CNTNAP2: variants seen among roughly 807,000 people sequenced by gnomAD.
The protein encoded by CNTNAP2 is contactin-associated protein-like 2.
CNTNAP2 carries 98 observed loss-of-function variants against 155.2 expected under a neutral mutation model. The ratio of observed to expected loss-of-function variants is 0.63; its 90% CI spans 0.54 to 0.75. The LOEUF (loss-of-function observed/expected upper bound fraction) is 0.75. Among genes scored for constraint, CNTNAP2 ranks in the 30% least tolerant of loss-of-function variants. The pLI is 0.00. For missense variants in CNTNAP2, 1,727 were observed against 1,688.1 expected (o/e 1.02, Z -0.40); for synonymous variants, 651 against 631.2 (o/e 1.03, Z -0.47).
intron 1 of CNTNAP2, among the ~76,000 whole-genome samples, chr7:146,133,548 T>A (rs946214439): frequency 7.9e-5 from 12 of 152,180 alleles, no homozygotes; most frequent in African/African-American, 2.9e-4. Flanking sequence ...TGGTTTTAGG[T>A]CTAATGTTTA....
chr7:148,121,603 T>G (rs1804596521), intron 16 of CNTNAP2, among the ~76,000 whole-genome samples: 1 of 152,202 alleles, frequency 6.6e-6, no homozygotes, highest in Non-Finnish European at 1.5e-5. Context: ...TAAGCGTGTC[T>G]CAGAGGAATT....
At chr7:146,187,105 G>A (rs534284096) in intron 1 of CNTNAP2, among the ~76,000 whole-genome samples, 1 of 152,228 alleles carries the variant, frequency 6.6e-6, no homozygotes, top group African/African-American at 2.4e-5. Context: ...GTCTAGTCAG[G>A]TCACTAGTAT....
At chr7:148,400,281 G>A (rs1216303620) in intron 22 of CNTNAP2, among the ~76,000 whole-genome samples, 5 of 152,236 alleles carry the variant, frequency 3.3e-5, no homozygotes, top group Admixed American at 6.5e-5. Flanking sequence ...GCCGCCACGC[G>A]CATTCTGGAA....
At chr7:147,732,518 G>A (rs62480751) in intron 13 of CNTNAP2, among the ~76,000 whole-genome samples, 11 of 150,028 alleles carry the variant, frequency 7.3e-5, no homozygotes, top group South Asian at 4.3e-4. Context: ...TGTCTTTATA[G>A]CAGCATGATT....
intron 3 of CNTNAP2, among the ~76,000 whole-genome samples, chr7:146,964,349 A>G (rs1318388147): frequency 6.6e-6 from 1 of 152,188 alleles, no homozygotes; most frequent in African/African-American, 2.4e-5. Flanking sequence ...GTAACTAAGT[A>G]TTCTTTGGGG....
intron 1 of CNTNAP2, among the ~76,000 whole-genome samples, chr7:146,168,404 G>T (rs1310404551): frequency 6.6e-6 from 1 of 151,888 alleles, no homozygotes; most frequent in African/African-American, 2.4e-5. Context: ...ATATCATATT[G>T]GAAGTGTATG....
intron 1 of CNTNAP2, among the ~76,000 whole-genome samples, chr7:146,581,563 A>T (rs1463433268): frequency 6.6e-6 from 1 of 152,066 alleles, no homozygotes; most frequent in Non-Finnish European, 1.5e-5. Flanking sequence ...AAAATATCAG[A>T]TGCATTAATC....
intron 2 of CNTNAP2, among the ~76,000 whole-genome samples, chr7:146,800,690 G>T (rs1203209678): frequency 6.6e-6 from 1 of 152,076 alleles, no homozygotes; most frequent in Non-Finnish European, 1.5e-5. Context: ...ACAGTACCTG[G>T]AATATCAGTT....
intron 12 of CNTNAP2, among the ~76,000 whole-genome samples, chr7:147,635,772 G>T (rs773257764): frequency 6.6e-6 from 1 of 152,110 alleles, no homozygotes; most frequent in African/African-American, 2.4e-5. Context: ...TTGCCTTTAT[G>T]ACCATTATAT....
chr7:147,255,446 T>C (rs968257051), intron 8 of CNTNAP2, among the ~76,000 whole-genome samples: 26 of 152,264 alleles, frequency 1.7e-4, no homozygotes, highest in Admixed American at 5.2e-4. Flanking sequence ...GGTCTCGAAC[T>C]CCTGACCTCG....
At chr7:146,584,113 T>C (rs1270161939) in intron 1 of CNTNAP2, among the ~76,000 whole-genome samples, 1 of 152,200 alleles carries the variant, frequency 6.6e-6, no homozygotes, top group Non-Finnish European at 1.5e-5. Context: ...TGAAAAGTAC[T>C]AACATAAGGA....
chr7:146,480,004 C>G (rs1415962396), intron 1 of CNTNAP2, among the ~76,000 whole-genome samples: 1 of 152,100 alleles, frequency 6.6e-6, no homozygotes, highest in Admixed American at 6.6e-5. Context: ...AGACTAGTCT[C>G]AAACTCCTGA....
chr7:146,560,928 G>A (rs1798270278), intron 1 of CNTNAP2, among the ~76,000 whole-genome samples: 1 of 152,058 alleles, frequency 6.6e-6, no homozygotes, highest in Admixed American at 6.6e-5. Flanking sequence ...AACAGTTCCT[G>A]ATGAAATTAA....
intron 21 of CNTNAP2, among the ~76,000 whole-genome samples, chr7:148,309,872 T>C (rs1240488155): frequency 6.6e-6 from 1 of 152,046 alleles, no homozygotes; most frequent in Non-Finnish European, 1.5e-5. Context: ...GAAATAGTGG[T>C]AAAGTGTTGG....
At chr7:146,533,964 A>C (rs1797809426) in intron 1 of CNTNAP2, among the ~76,000 whole-genome samples, 1 of 152,198 alleles carries the variant, frequency 6.6e-6, no homozygotes, top group South Asian at 2.1e-4. Flanking sequence ...AAAGCATTGA[A>C]TTAAAAATAG....
chr7:147,389,486 T>A (rs1345816274), intron 9 of CNTNAP2, among the ~76,000 whole-genome samples: 2 of 152,204 alleles, frequency 1.3e-5, no homozygotes, highest in Non-Finnish European at 2.9e-5. Context: ...AAAACAAATA[T>A]CAGCAAGTTT....
At chr7:146,192,226 A>C (rs535713755) in intron 1 of CNTNAP2, among the ~76,000 whole-genome samples, 1 of 152,286 alleles carries the variant, frequency 6.6e-6, no homozygotes, top group African/African-American at 2.4e-5. Context: ...CGTTTAAAAT[A>C]TAGATTTTTC....
chr7:146,239,421 T>A (rs1330830986), intron 1 of CNTNAP2, among the ~76,000 whole-genome samples: 2 of 152,176 alleles, frequency 1.3e-5, no homozygotes, highest in African/African-American at 4.8e-5. Context: ...AGGACCAGCC[T>A]AATAACCCTG....
chr7:147,626,222 G>A (rs907490842), intron 12 of CNTNAP2, among the ~76,000 whole-genome samples: 1 of 152,084 alleles, frequency 6.6e-6, no homozygotes, highest in African/African-American at 2.4e-5. Flanking sequence ...CGCAGCCAAT[G>A]GAGTGGGCAG....
Sources: gnomAD v4.1 joint callset for allele counts (sites outside exome capture counted in the v4.1 genomes callset) on GRCh38, gnomAD v4.1.1 for gene constraint, MANE v1.5 for transcripts, NCBI Gene and HGNC (gene_info 2026-07-23, HGNC 2026-07-21) for gene names.